MYO16: variants seen among roughly 807,000 people sequenced by gnomAD.
MYO16 encodes the protein myosin XVI.
Under a neutral mutation model 205.3 loss-of-function variants are expected in MYO16, and 94 were observed. The ratio of observed to expected loss-of-function variants is 0.46; its 90% confidence interval spans 0.39 to 0.54. The LOEUF (loss-of-function observed/expected upper bound fraction) is 0.54, where lower values mean the gene tolerates loss of function less well. MYO16 is among the 20% of genes least tolerant of loss of function. MYO16 has a pLI of 0.00. For synonymous variants in MYO16, 988 were observed against 954.0 expected (o/e 1.04, Z -0.66); for missense variants, 2,315 against 2,387.5 (o/e 0.97, Z 0.63).
intron 27 of MYO16, among the ~76,000 whole-genome samples, chr13:109,086,055 T>C (rs1219576962): frequency 6.6e-6 from 1 of 152,224 alleles, no homozygotes; most frequent in Non-Finnish European, 1.5e-5. Context: ...AATAGATTTA[T>C]AGAGATTTGT....
intron 33 of MYO16, among the ~76,000 whole-genome samples, chr13:109,166,371 T>TA (rs1333331024): frequency 6.6e-6 from 1 of 151,782 alleles, no homozygotes; most frequent in African/African-American, 2.4e-5. Context: ...ACAAAACAAA[T>TA]AAAAAATAAC....
chr13:108,656,902 A>G (rs577826932), intron 1 of MYO16, among the ~76,000 whole-genome samples: 12 of 152,134 alleles, frequency 7.9e-5, no homozygotes, highest in Non-Finnish European at 1.2e-4. Flanking sequence ...GAAAACAGGT[A>G]CTCCATCCTA....
chr13:109,058,823 A>G (rs1887497217), intron 27 of MYO16, among the ~76,000 whole-genome samples: 2 of 152,164 alleles, frequency 1.3e-5, no homozygotes, highest in Non-Finnish European at 2.9e-5. Flanking sequence ...CCCAGAGTAG[A>G]ACGTCTTTCA....
intron 24 of MYO16, among the ~76,000 whole-genome samples, chr13:109,051,073 G>A (rs1226513344): frequency 6.6e-6 from 1 of 152,086 alleles, no homozygotes; most frequent in Non-Finnish European, 1.5e-5. Context: ...TTTGGAATCT[G>A]AACATTTAAG....
At chr13:109,088,448 CGA>C (rs1422774386) in intron 27 of MYO16, among the ~76,000 whole-genome samples, 8 of 152,124 alleles carry the variant, frequency 5.3e-5, no homozygotes, top group Non-Finnish European at 1.2e-4. Context: ...TAAGAGAACT[CGA>C]GAGTATTGTC....
chr13:108,525,255 T>C, the MYO16 span, among the ~76,000 whole-genome samples: 2 of 152,192 alleles, frequency 1.3e-5, no homozygotes, highest in Non-Finnish European at 2.9e-5. Context: ...TAATTTTGTT[T>C]TATGTATAGA....
intron 28 of MYO16, among the ~76,000 whole-genome samples, chr13:109,111,312 G>A (rs1239349969): frequency 6.6e-6 from 1 of 152,168 alleles, no homozygotes; most frequent in Non-Finnish European, 1.5e-5. Context: ...CAAATCTGAG[G>A]GGAGAACTCT....
intron 31 of MYO16, among the ~76,000 whole-genome samples, chr13:109,137,694 C>T (rs541990624): frequency 1.8e-4 from 28 of 152,138 alleles, no homozygotes; most frequent in Admixed American, 1.2e-3. Flanking sequence ...TGAATGATTC[C>T]CATTGTTTTC....
the MYO16 span, among the ~76,000 whole-genome samples, chr13:108,565,554 A>T: frequency 1.3e-5 from 2 of 152,078 alleles, no homozygotes; most frequent in African/African-American, 4.8e-5. Context: ...GAATTTGTTT[A>T]TCAGTTCTGG....
At chr13:108,696,057 G>A (rs1243242889) in intron 2 of MYO16, among the ~76,000 whole-genome samples, 2 of 151,974 alleles carry the variant, frequency 1.3e-5, no homozygotes, top group South Asian at 4.2e-4. Flanking sequence ...AAATAAGTAT[G>A]GTTTCATTAA....
chr13:108,810,105 G>T (rs1887241107), intron 7 of MYO16, among the ~76,000 whole-genome samples: 1 of 152,220 alleles, frequency 6.6e-6, no homozygotes, highest in Non-Finnish European at 1.5e-5. Context: ...TTTACAATGT[G>T]CAGATGAGGC....
chr13:109,161,137 AGAG>A (rs570268473), intron 32 of MYO16, among the ~76,000 whole-genome samples: 4 of 152,234 alleles, frequency 2.6e-5, no homozygotes, highest in Non-Finnish European at 5.9e-5. Flanking sequence ...TACTACAAGC[AGAG>A]GAGAACCCCA....
At chr13:108,681,313 G>C (rs982337946) in intron 2 of MYO16, among the ~76,000 whole-genome samples, 1 of 152,216 alleles carries the variant, frequency 6.6e-6, no homozygotes, top group Non-Finnish European at 1.5e-5. Context: ...AGGAGTTTCA[G>C]TAAAAGGCTT....
intron 20 of MYO16, among the ~76,000 whole-genome samples, chr13:108,965,838 G>C (rs1594432061): frequency 6.6e-6 from 1 of 152,142 alleles, no homozygotes; most frequent in South Asian, 2.1e-4. Flanking sequence ...AGACAATTGA[G>C]AGCACAGTCA....
intron 23 of MYO16, among the ~76,000 whole-genome samples, chr13:109,038,689 AAAAG>A (rs1281247743): frequency 2.0e-5 from 3 of 152,246 alleles, no homozygotes; most frequent in Admixed American, 1.3e-4. Context: ...ATTTAAGACA[AAAAG>A]AAAACATTCG....
intron 27 of MYO16, 84 bp from the exon 28 acceptor site, chr13:109,100,701 G>T (rs563520513): frequency 1.9e-6 from 2 of 1,070,720 alleles, no homozygotes; most frequent in South Asian, 1.5e-5. Context: ...TTTGGGAAAC[G>T]ATGTAACAAA....
At chr13:109,204,298 A>C (rs1275540699) in intron 34 of MYO16, among the ~76,000 whole-genome samples, 4 of 152,258 alleles carry the variant, frequency 2.6e-5, no homozygotes, top group Admixed American at 2.6e-4. Flanking sequence ...CATGGTAGCG[A>C]TATTCTTCCA....
At chr13:108,653,199 T>C (rs1164237383) in intron 1 of MYO16, among the ~76,000 whole-genome samples, 1 of 152,208 alleles carries the variant, frequency 6.6e-6, no homozygotes, top group African/African-American at 2.4e-5. Context: ...TGGAAAAATA[T>C]CTATTCAAGT....
chr13:108,705,438 A>C (rs1883473559), intron 2 of MYO16, among the ~76,000 whole-genome samples: 4 of 152,206 alleles, frequency 2.6e-5, no homozygotes, highest in Admixed American at 2.6e-4. Context: ...TCACAAGAAG[A>C]ATAAGAGTGA....
Sources: allele counts gnomAD v4.1 joint callset (sites outside exome capture counted in the v4.1 genomes callset), GRCh38; gene constraint gnomAD v4.1.1; transcripts MANE v1.5; gene names NCBI Gene and HGNC (gene_info 2026-07-23, HGNC 2026-07-21).